Variants in PRKG1 observed in about 807,000 individuals in gnomAD.
PRKG1 encodes the protein protein kinase cGMP-dependent 1, also known as cGMP-dependent protein kinase 1.
A neutral mutation model predicts 88.1 loss-of-function variants in PRKG1; 35 were observed. The observed-to-expected ratio is 0.40, with a 90% CI of 0.30 to 0.53. The LOEUF (loss-of-function observed/expected upper bound fraction) is 0.53, where lower values mean the gene tolerates loss of function less well. Among genes scored for constraint, PRKG1 ranks in the 20% least tolerant of loss-of-function variants. PRKG1 has a pLI of 0.59. For synonymous variants in PRKG1, 303 were observed against 292.5 expected (o/e 1.04, Z -0.37); for missense variants, 540 against 839.8 (o/e 0.64, Z 4.41).
At chr10:51,561,852 G>A (rs1017996876) in intron 3 of PRKG1, among the ~76,000 whole-genome samples, 3 of 151,974 alleles carry the variant, frequency 2.0e-5, no homozygotes, top group Admixed American at 6.6e-5. Flanking sequence ...GTCTAAACTG[G>A]CATTTTTGCA....
chr10:51,260,562 T>A (rs181577448), intron 2 of PRKG1, among the ~76,000 whole-genome samples: 10 of 152,300 alleles, frequency 6.6e-5, no homozygotes, highest in Admixed American at 5.9e-4. Context: ...TACAGTGACT[T>A]TGAGAGCATG....
At chr10:51,997,126 G>C (rs1016581937) in intron 5 of PRKG1, among the ~76,000 whole-genome samples, 1 of 152,062 alleles carries the variant, frequency 6.6e-6, no homozygotes, top group East Asian at 1.9e-4. Context: ...TGCTTGGGGG[G>C]TAGAGGGCAT....
intron 2 of PRKG1, among the ~76,000 whole-genome samples, chr10:51,197,253 C>T (rs755646475): frequency 5.9e-5 from 9 of 151,852 alleles, no homozygotes; most frequent in Non-Finnish European, 1.3e-4. Flanking sequence ...TTTGAGATAT[C>T]GTGTTTATAT....
intron 3 of PRKG1, among the ~76,000 whole-genome samples, chr10:51,715,412 A>G (rs1458354534): frequency 6.6e-6 from 1 of 152,142 alleles, no homozygotes; most frequent in East Asian, 1.9e-4. Flanking sequence ...CTGGACAGAG[A>G]GCCCTGGAAT....
At chr10:51,940,375 T>C (rs1305717465) in intron 5 of PRKG1, among the ~76,000 whole-genome samples, 2 of 151,842 alleles carry the variant, frequency 1.3e-5, no homozygotes, top group Non-Finnish European at 2.9e-5. Context: ...AACGTACTTT[T>C]CTCCAAAGGT....
chr10:51,046,465 C>G (rs1589122012), intron 1 of PRKG1, among the ~76,000 whole-genome samples: 1 of 152,236 alleles, frequency 6.6e-6, no homozygotes, highest in East Asian at 1.9e-4. Context: ...TGAAGAAAGC[C>G]TAGGTTAGTA....
intron 8 of PRKG1, among the ~76,000 whole-genome samples, chr10:52,151,425 A>G (rs1837913580): frequency 1.3e-5 from 2 of 152,236 alleles, no homozygotes; most frequent in African/African-American, 4.8e-5. Flanking sequence ...GTGTTATGAA[A>G]AAATTAATTT....
intron 2 of PRKG1, among the ~76,000 whole-genome samples, chr10:51,411,874 G>A (rs1329808015): frequency 6.6e-6 from 1 of 152,074 alleles, no homozygotes; most frequent in African/African-American, 2.4e-5. Flanking sequence ...CCAACTAGAG[G>A]ATTGTGGCTG....
intron 4 of PRKG1, among the ~76,000 whole-genome samples, chr10:51,817,346 AACC>A (rs1839615666): frequency 2.2e-4 from 8 of 36,406 alleles, no homozygotes; most frequent in Middle Eastern, 0.015. Context: ...ATCCCTCCCC[AACC>A]CCCCCCCTCC....
intron 9 of PRKG1, among the ~76,000 whole-genome samples, chr10:52,233,270 A>T (rs1225308437): frequency 6.6e-6 from 1 of 151,706 alleles, no homozygotes; most frequent in Non-Finnish European, 1.5e-5. Flanking sequence ...TATGTGGGAA[A>T]AAGGAAGTCA....
intron 2 of PRKG1, among the ~76,000 whole-genome samples, chr10:51,357,158 T>G (rs1164547867): frequency 6.6e-6 from 1 of 151,982 alleles, no homozygotes; most frequent in Non-Finnish European, 1.5e-5. Flanking sequence ...TAGACATACA[T>G]GGCAGCAGGT....
intron 2 of PRKG1, among the ~76,000 whole-genome samples, chr10:51,255,888 A>G (rs1367663205): frequency 1.3e-5 from 2 of 152,090 alleles, no homozygotes; most frequent in Non-Finnish European, 1.5e-5. Flanking sequence ...GGAGACATAC[A>G]TGTTCTGTAG....
chr10:51,025,621 C>A (rs1391212154), intron 1 of PRKG1, among the ~76,000 whole-genome samples: 1 of 152,154 alleles, frequency 6.6e-6, no homozygotes, highest in Non-Finnish European at 1.5e-5. Context: ...CTTGGATTGG[C>A]TGCAAGTTTG....
chr10:51,076,341 T>C (rs1046726206), intron 1 of PRKG1, among the ~76,000 whole-genome samples: 1 of 152,204 alleles, frequency 6.6e-6, no homozygotes, highest in African/African-American at 2.4e-5. Flanking sequence ...CTTAGAAACC[T>C]GAGTGATCTG....
chr10:52,035,878 C>G (rs1216513486), intron 5 of PRKG1, among the ~76,000 whole-genome samples: 2 of 152,150 alleles, frequency 1.3e-5, no homozygotes, highest in Non-Finnish European at 2.9e-5. Context: ...TAGGCTAAAA[C>G]AGTAAGGTCA....
intron 2 of PRKG1, among the ~76,000 whole-genome samples, chr10:51,242,706 G>A (rs987004737): frequency 6.6e-6 from 1 of 152,122 alleles, no homozygotes; most frequent in Non-Finnish European, 1.5e-5. Flanking sequence ...TGGGAGAGGA[G>A]CAGGAAGATT....
chr10:51,791,540 C>T (rs971697727), intron 3 of PRKG1, among the ~76,000 whole-genome samples: 1 of 152,006 alleles, frequency 6.6e-6, no homozygotes, highest in Non-Finnish European at 1.5e-5. Context: ...CTTTTTAACC[C>T]AGTCATTTAT....
At chr10:51,015,600 G>C (rs1041170082) in intron 1 of PRKG1, among the ~76,000 whole-genome samples, 2 of 152,118 alleles carry the variant, frequency 1.3e-5, no homozygotes, top group Admixed American at 1.3e-4. Context: ...GAAATGCATA[G>C]AGGAGGCTGG....
chr10:52,291,201 C>G (rs1318275448), intron 17 of PRKG1, among the ~76,000 whole-genome samples: 1 of 151,760 alleles, frequency 6.6e-6, no homozygotes, highest in African/African-American at 2.4e-5. Flanking sequence ...GGATTACAGA[C>G]GTGAGCACCG....
Sources: gnomAD v4.1 joint callset for allele counts (sites outside exome capture counted in the v4.1 genomes callset) on GRCh38, gnomAD v4.1.1 for gene constraint, MANE v1.5 for transcripts, NCBI Gene and HGNC (gene_info 2026-07-23, HGNC 2026-07-21) for gene names.